Variants in CLMN observed in about 807,000 individuals in gnomAD.
CLMN encodes calmin, also known as calmin (calponin-like, transmembrane).
Under a neutral mutation model 92.7 loss-of-function variants are expected in CLMN, and 57 were observed. That is an observed-to-expected ratio of 0.61 (90% CI 0.50 to 0.77). The LOEUF is 0.77. CLMN is among the 30% of genes least tolerant of loss of function. CLMN has a pLI of 0.00. For missense variants in CLMN, 1,158 were observed against 1,237.5 expected (o/e 0.94, Z 0.96); for synonymous variants, 466 against 470.6 (o/e 0.99, Z 0.13).
Position 95,193,868 on chromosome 14 carries a change from T to C in CLMN, c.2821A>G (p.Arg941Gly). The stretch of plus-strand genomic sequence containing the variant: ...ACCAACCTGGTTAATATTCGGTTTC[T>C]TCTGTCATCCAGATCTGCTGCGTTC... ...LRNAADLDDRRNRILTRKANS... is the reference protein window; with the variant it reads ...LRNAADLDDRGNRILTRKANS... The change falls in exon 12 of 13, where the codon AGA becomes GGA. Residue 941 changes from arginine to glycine, a missense_variant. By Grantham distance (125) the Arg-to-Gly change is moderately radical (BLOSUM62 -2). Transcript: ENST00000298912. 6.2e-7 allele frequency: 1 copy of C among 1,614,158 alleles called. No individual in the cohort carries two copies. The highest frequency in any genetic ancestry group is 8.5e-7 in the Non-Finnish European group (1 of 1,180,032).
intron 3 of CLMN, chr14:95,222,446 T>C (rs1029152803): frequency 5.0e-6 from 2 of 402,214 alleles, no homozygotes; most frequent in Non-Finnish European, 1.0e-5. Flanking sequence ...TGGGGGAAGA[T>C]GGCATTACAA....
intron 1 of CLMN, among the ~76,000 whole-genome samples, chr14:95,296,649 T>C (rs775866665): frequency 3.9e-5 from 6 of 152,212 alleles, no homozygotes; most frequent in Non-Finnish European, 1.5e-5. Context: ...TCATCCTTCC[T>C]TCTGTCACGC....
intron 1 of CLMN, among the ~76,000 whole-genome samples, chr14:95,248,027 A>G (rs1015615034): frequency 2.0e-5 from 3 of 152,004 alleles, no homozygotes; most frequent in Non-Finnish European, 2.9e-5. Flanking sequence ...AGTAAATCCA[A>G]CTTTTTAATG....
intron 1 of CLMN, among the ~76,000 whole-genome samples, chr14:95,275,707 G>A (rs1353260481): frequency 1.3e-5 from 2 of 152,180 alleles, no homozygotes; most frequent in East Asian, 3.9e-4. Flanking sequence ...TCATCACCTA[G>A]ACTGCAGTGC....
intron 9 of CLMN, among the ~76,000 whole-genome samples, chr14:95,200,457 C>G (rs1426412455): frequency 1.3e-5 from 2 of 152,166 alleles, no homozygotes; most frequent in Non-Finnish European, 2.9e-5. Context: ...GAGGCCGAGC[C>G]CAGGCCCTTC....
intron 1 of CLMN, among the ~76,000 whole-genome samples, chr14:95,298,616 T>C (rs1051677224): frequency 6.6e-6 from 1 of 152,182 alleles, no homozygotes; most frequent in African/African-American, 2.4e-5. Flanking sequence ...TAAGTTAATC[T>C]TGGGTCAGAA....
chr14:95,296,942 TC>T (rs1184139002), intron 1 of CLMN, among the ~76,000 whole-genome samples: 1 of 152,144 alleles, frequency 6.6e-6, no homozygotes, highest in Admixed American at 6.5e-5. Flanking sequence ...AATTTCATCT[TC>T]CCATCAGACG....
At chr14:95,278,683 A>G (rs939978156) in intron 1 of CLMN, among the ~76,000 whole-genome samples, 1 of 152,198 alleles carries the variant, frequency 6.6e-6, no homozygotes, top group African/African-American at 2.4e-5. Context: ...GCCTTGATAT[A>G]GGTGGGAAAT....
At chr14:95,252,661 G>C (rs1472580136) in intron 1 of CLMN, among the ~76,000 whole-genome samples, 5 of 152,200 alleles carry the variant, frequency 3.3e-5, no homozygotes, top group African/African-American at 1.2e-4. Context: ...CTGTGATTTA[G>C]AGTGGAGGTT....
intron 1 of CLMN, among the ~76,000 whole-genome samples, chr14:95,283,005 G>A (rs1460877567): frequency 6.6e-6 from 1 of 152,252 alleles, no homozygotes; most frequent in Middle Eastern, 3.2e-3. Context: ...GCAGATCTCA[G>A]GGCTTCAGCC....
At chr14:95,280,538 C>T (rs1041992293) in intron 1 of CLMN, among the ~76,000 whole-genome samples, 6 of 152,120 alleles carry the variant, frequency 3.9e-5, no homozygotes, top group South Asian at 2.1e-4. Context: ...AAATGACTTA[C>T]GGTGACCTGG....
At chr14:95,224,631 T>C (rs77159339) in intron 2 of CLMN, among the ~76,000 whole-genome samples, 2,926 of 152,314 alleles carry the variant, frequency 0.019, 44 homozygotes, top group Non-Finnish European at 0.032. Context: ...GGATGAGTGA[T>C]AGTCGCAGCA....
chr14:95,316,467 T>C (rs1595129014), intron 1 of CLMN, among the ~76,000 whole-genome samples: 1 of 152,254 alleles, frequency 6.6e-6, no homozygotes, highest in Non-Finnish European at 1.5e-5. Flanking sequence ...CACAGGAAGG[T>C]GAGTGGCAGG....
intron 1 of CLMN, among the ~76,000 whole-genome samples, chr14:95,278,313 G>A (rs1446085008): frequency 6.6e-6 from 1 of 152,158 alleles, no homozygotes; most frequent in Non-Finnish European, 1.5e-5. Context: ...GGATATCCAA[G>A]CTATACATAT....
rs956837238 is a variant in CLMN, at chr14:95,294,079, C to A, written c.82+25632G>T. 1.3e-5 allele frequency among the ~76,000 whole-genome samples: 2 copies of A among 152,156 alleles called. No homozygotes were observed. The highest frequency in any genetic ancestry group is 2.4e-5 in the African/African-American group (1 of 41,424). ...CTGGAGGGCTTCCCCACTCCCCAGGCGAACCTCTTCCTACCTACCTCACCC... is the reference window on the plus strand; with the variant it reads ...CTGGAGGGCTTCCCCACTCCCCAGGAGAACCTCTTCCTACCTACCTCACCC... On this transcript the variant is annotated intron_variant, in intron 1 of 12. Transcript: ENST00000298912. This position sits in a 1 kb window ranked among gnomAD's most constrained non-coding sequence, Gnocchi z 4.2.
chr14:95,227,387 C>T lies in CLMN; in HGVS notation c.144+2685G>A, dbSNP rs142217001. 2.6e-3 allele frequency among the ~76,000 whole-genome samples: 399 copies of T among 152,256 alleles called. 3 individuals carry two copies. Among genetic ancestry groups the T allele is most frequent in the African/African-American group, 9.4e-3 (389 of 41,538 alleles). ...GCAAATTATTTTCTTTGCAAACTGCCGCAGCTCCTTGGGCACCTTCCACCC... is the reference window on the plus strand; with the variant it reads ...GCAAATTATTTTCTTTGCAAACTGCTGCAGCTCCTTGGGCACCTTCCACCC... On this transcript the variant is annotated intron_variant, in intron 2 of 12. Coordinates refer to ENST00000298912, the MANE Select transcript of CLMN (RefSeq NM_024734.4).
At position 95,184,592 on chromosome 14, in the gene CLMN, G is replaced by A. The variant is rs1178273662; in HGVS notation, c.*6972C>T. On this transcript the variant is annotated 3_prime_UTR_variant, in exon 13 of 13. Coordinates refer to ENST00000298912, the MANE Select transcript of CLMN (RefSeq NM_024734.4). The stretch of plus-strand genomic sequence containing the variant: ...GTTCTCATCAAGGTTCTCAGAACAA[G>A]TTCTAAACACAAAGAAGCCAGTATT... 1.3e-5 allele frequency: 2 copies of A among 152,216 alleles called. No homozygotes were observed. Among genetic ancestry groups the A allele is most frequent in the African/African-American group, 2.4e-5 (1 of 41,456 alleles). 9.4% of individuals were successfully genotyped at this position (152,216 alleles called of 1,614,324 possible). A position where few individuals can be genotyped will look rare whatever the true frequency, so the allele number is the denominator to read the frequency against.
intron 9 of CLMN, among the ~76,000 whole-genome samples, chr14:95,200,765 T>C (rs1896855779): frequency 6.6e-6 from 1 of 152,046 alleles, no homozygotes; most frequent in African/African-American, 2.4e-5. Context: ...CCTTATGCTA[T>C]TTACACACCA....
In CLMN at chr14:95,183,829, C is replaced by A. The variant is rs1001463310; in HGVS notation, c.*7735G>T. 6 of 152,184 alleles carry A rather than the reference C, an allele frequency of 3.9e-5. No individual in the cohort carries two copies. Among genetic ancestry groups the A allele is most frequent in the African/African-American group, 1.4e-4 (6 of 41,448 alleles). 9.4% of individuals were successfully genotyped at this position (152,184 alleles called of 1,614,324 possible). A position where few individuals can be genotyped will look rare whatever the true frequency, so the allele number is the denominator to read the frequency against. On this transcript the variant is annotated 3_prime_UTR_variant, in exon 13 of 13. Transcript: ENST00000298912. ...CCCAGTTCTGCTACTTACTAGTTCA[C>A]GCTATGACCTTATTTTTCTGTCCTG...
Sources: gnomAD v4.1 joint callset for allele counts (sites outside exome capture counted in the v4.1 genomes callset) on GRCh38, gnomAD v4.1.1 for gene constraint, Gnocchi (gnomAD v3.1) non-coding constraint, MANE v1.5 for transcripts, NCBI Gene and HGNC (gene_info 2026-07-23, HGNC 2026-07-21) for gene names.